Variants in AKAP19 observed in about 807,000 individuals in gnomAD.
AKAP19 encodes A-kinase anchoring protein 19.
the AKAP19 span, among the ~76,000 whole-genome samples, chr2:190,063,436 A>G: frequency 1.3e-5 from 2 of 152,144 alleles, no homozygotes; most frequent in African/African-American, 4.8e-5. Flanking sequence ...GCAGATTAAC[A>G]TAACTCAGAA....
At chr2:189,971,966 T>G in the AKAP19 span, among the ~76,000 whole-genome samples, 1 of 152,082 alleles carries the variant, frequency 6.6e-6, no homozygotes, top group Non-Finnish European at 1.5e-5. Flanking sequence ...TCTTTTGCTG[T>G]GCAGAAGCTC....
the AKAP19 span, among the ~76,000 whole-genome samples, chr2:190,125,869 G>A: frequency 6.6e-6 from 1 of 151,990 alleles, no homozygotes; most frequent in Admixed American, 6.5e-5. Context: ...AGATTTTCAA[G>A]ATATTACTTA....
At chr2:190,199,877 C>T in the AKAP19 span, 2 of 1,613,702 alleles carry the variant, frequency 1.2e-6, no homozygotes, top group Admixed American at 3.3e-5. Context: ...TGCATGAAAT[C>T]AAAGCAAACT....
the AKAP19 span, among the ~76,000 whole-genome samples, chr2:190,038,554 G>A: frequency 2.0e-5 from 3 of 152,174 alleles, no homozygotes; most frequent in Non-Finnish European, 4.4e-5. Context: ...GCTCAGAGTT[G>A]TTTGGGTTTT....
At chr2:190,124,689 G>A in the AKAP19 span, among the ~76,000 whole-genome samples, 1 of 152,120 alleles carries the variant, frequency 6.6e-6, no homozygotes, top group East Asian at 1.9e-4. Flanking sequence ...TAGCCTGGGT[G>A]ACAGAGACCC....
chr2:189,924,632 A>G, the AKAP19 span, among the ~76,000 whole-genome samples: 1 of 152,192 alleles, frequency 6.6e-6, no homozygotes, highest in Admixed American at 6.5e-5. Flanking sequence ...TCTTGAAAGC[A>G]GCTTTGAGTT....
chr2:190,157,719 A>G, the AKAP19 span, among the ~76,000 whole-genome samples: 1 of 152,178 alleles, frequency 6.6e-6, no homozygotes, highest in Non-Finnish European at 1.5e-5. Flanking sequence ...AATAATGACA[A>G]TCTTATAAAT....
the AKAP19 span, among the ~76,000 whole-genome samples, chr2:189,962,278 T>C: frequency 6.6e-6 from 1 of 152,172 alleles, no homozygotes; most frequent in Non-Finnish European, 1.5e-5. Flanking sequence ...TCATATAATG[T>C]AGGCATGCAG....
At chr2:189,881,030 G>A in the AKAP19 span, among the ~76,000 whole-genome samples, 1 of 151,932 alleles carries the variant, frequency 6.6e-6, no homozygotes, top group South Asian at 2.1e-4. Context: ...TGACATACGT[G>A]AGCACACACA....
the AKAP19 span, among the ~76,000 whole-genome samples, chr2:189,982,217 T>C: frequency 2.0e-5 from 3 of 148,546 alleles, no homozygotes; most frequent in Non-Finnish European, 2.9e-5. Context: ...AAAATTATTT[T>C]TCCTTTATTT....
the AKAP19 span, among the ~76,000 whole-genome samples, chr2:189,979,875 T>C: frequency 6.6e-6 from 1 of 152,170 alleles, no homozygotes; most frequent in African/African-American, 2.4e-5. Context: ...TGAGATACCA[T>C]CTTCTACCAG....
At chr2:190,007,190 A>G in the AKAP19 span, among the ~76,000 whole-genome samples, 1 of 152,218 alleles carries the variant, frequency 6.6e-6, no homozygotes, top group Non-Finnish European at 1.5e-5. Flanking sequence ...GGGGTAGGAT[A>G]CCTTCAAGGG....
the AKAP19 span, among the ~76,000 whole-genome samples, chr2:190,112,391 T>G: frequency 5.9e-5 from 9 of 152,340 alleles, no homozygotes; most frequent in African/African-American, 2.2e-4. Flanking sequence ...TCTTTGTATT[T>G]ACTTAGTTTC....
the AKAP19 span, among the ~76,000 whole-genome samples, chr2:190,097,538 A>G: frequency 6.6e-6 from 1 of 152,128 alleles, no homozygotes; most frequent in East Asian, 1.9e-4. Context: ...CATTTTACCC[A>G]TCAAACTTCC....
the AKAP19 span, among the ~76,000 whole-genome samples, chr2:190,000,005 C>T: frequency 0.084 from 12,788 of 152,210 alleles, 1,508 homozygotes; most frequent in African/African-American, 0.26. Flanking sequence ...GATTTGCTCA[C>T]GGAATCTAAA....
chr2:189,912,232 T>C, the AKAP19 span, among the ~76,000 whole-genome samples: 1 of 152,094 alleles, frequency 6.6e-6, no homozygotes, highest in Non-Finnish European at 1.5e-5. Flanking sequence ...TAATTAAATA[T>C]GATAAATATT....
the AKAP19 span, among the ~76,000 whole-genome samples, chr2:189,892,412 G>A: frequency 1.0e-3 from 154 of 152,198 alleles, 1 homozygote; most frequent in Middle Eastern, 3.4e-3. Context: ...TTTCGGGTGC[G>A]GTTTCTGTGT....
At chr2:189,934,338 G>A in the AKAP19 span, among the ~76,000 whole-genome samples, 2 of 151,910 alleles carry the variant, frequency 1.3e-5, no homozygotes, top group African/African-American at 4.8e-5. Flanking sequence ...CTCATATTCT[G>A]GAAAACTGAC....
the AKAP19 span, among the ~76,000 whole-genome samples, chr2:190,076,093 G>A: frequency 6.6e-6 from 1 of 151,974 alleles, no homozygotes; most frequent in Admixed American, 6.6e-5. Flanking sequence ...ATGCATTGTT[G>A]TTATTTTTGC....
Sources: gnomAD v4.1 joint callset for allele counts (sites outside exome capture counted in the v4.1 genomes callset) on GRCh38, gnomAD v4.1.1 for gene constraint, MANE v1.5 for transcripts, NCBI Gene and HGNC (gene_info 2026-07-23, HGNC 2026-07-21) for gene names.